Variants in NR5A2 observed in about 807,000 individuals in gnomAD.
NR5A2 encodes the protein CYP7A promoter-binding factor.
Under a neutral mutation model 62.7 loss-of-function variants are expected in NR5A2, and 26 were observed. The observed-to-expected ratio is 0.41, with a 90% CI of 0.30 to 0.58. The LOEUF (loss-of-function observed/expected upper bound fraction) is 0.58. Ranked by LOEUF, NR5A2 falls within the 20% of genes least tolerant of loss-of-function variation. The probability of loss-of-function intolerance (pLI) is 0.22; values close to 1 mark genes in which losing one functional copy is unlikely to be tolerated. For missense variants in NR5A2, 541 were observed against 669.1 expected (o/e 0.81, Z 2.11); for synonymous variants, 246 against 241.7 (o/e 1.02, Z -0.16).
chr1:200,129,818 T>C (rs777817306), intron 7 of NR5A2, among the ~76,000 whole-genome samples: 2 of 152,196 alleles, frequency 1.3e-5, no homozygotes, highest in Admixed American at 1.3e-4. Context: ...GGTTGTCTTC[T>C]TGAAAAAGAA....
At chr1:200,077,672 C>G (rs1326449087) in intron 5 of NR5A2, among the ~76,000 whole-genome samples, 1 of 152,212 alleles carries the variant, frequency 6.6e-6, no homozygotes, top group African/African-American at 2.4e-5. Flanking sequence ...CAAGATAGTG[C>G]TACTGCACTC....
chr1:200,137,287 A>G (rs895286462), intron 7 of NR5A2, among the ~76,000 whole-genome samples: 10 of 149,186 alleles, frequency 6.7e-5, no homozygotes, highest in Admixed American at 5.3e-4. Flanking sequence ...AATAGCTGAT[A>G]TTACAGGTGC....
intron 5 of NR5A2, among the ~76,000 whole-genome samples, chr1:200,083,449 T>C (rs1664381167): frequency 6.6e-6 from 1 of 152,212 alleles, no homozygotes; most frequent in South Asian, 2.1e-4. Context: ...TACATATATG[T>C]GTACATTTTA....
In NR5A2 at chr1:200,040,227, A is replaced by G. The variant is rs542290568; in HGVS notation, c.202+432A>G. On this transcript the variant is annotated intron_variant, in intron 2 of 7. Coordinates refer to ENST00000367362, the MANE Select transcript of NR5A2 (RefSeq NM_205860.3). ...GCGACCCAGTCTAGGAAAGTCAACTACAGAAAGAGGTGACCTCCGAAAGGA... is the reference window on the plus strand; with the variant it reads ...GCGACCCAGTCTAGGAAAGTCAACTGCAGAAAGAGGTGACCTCCGAAAGGA... 3.9e-5 allele frequency among the ~76,000 whole-genome samples: 6 copies of G among 152,300 alleles called. No homozygotes were observed. In the East Asian group the frequency reaches 1.2e-3, roughly 29 times the overall value.
At position 200,059,726 on chromosome 1, in the gene NR5A2, G is replaced by T. The variant is rs572002590; in HGVS notation, c.1110+10908G>T. Reference sequence around the variant, plus strand: ...GGACTTTGCCCTCTGAACCTATATGGTAAAATAGATCTTTTTTATTTTCCA... The same window carrying T: ...GGACTTTGCCCTCTGAACCTATATGTTAAAATAGATCTTTTTTATTTTCCA... On this transcript the variant is annotated intron_variant, in intron 5 of 7. Transcript: ENST00000367362. Among the ~76,000 whole-genome samples the T allele has an allele frequency of 2.6e-5, 4 of 152,224 alleles. No homozygotes were observed. In the South Asian group the frequency reaches 8.3e-4, roughly 32 times the overall value.
rs1191982982 is a variant in NR5A2, at chr1:200,175,010, T to C, written c.*800T>C. On this transcript the variant is annotated 3_prime_UTR_variant, in exon 8 of 8. Transcript: ENST00000367362. ...ACAAACTTTCAAAGCAAATGCTCCA[T>C]AGCTAAAGCAACTTAGACCTTATTT... 6.5e-6 allele frequency: 1 copy of C among 152,676 alleles called. No individual in the cohort carries two copies. The highest frequency in any genetic ancestry group is 1.5e-5 in the Non-Finnish European group (1 of 68,042). The allele number at this position is 152,676 out of a possible 1,614,324, so 9.5% of individuals were successfully genotyped here.
At chr1:200,071,002 G>T (rs1390244799) in intron 5 of NR5A2, among the ~76,000 whole-genome samples, 1 of 152,144 alleles carries the variant, frequency 6.6e-6, no homozygotes, top group African/African-American at 2.4e-5. Flanking sequence ...TTTGAAATGG[G>T]AGCAAAGCTA....
chr1:200,028,128 T>A lies in NR5A2; in HGVS notation c.64+217T>A, dbSNP rs146301267. Among the ~76,000 whole-genome samples the A allele has an allele frequency of 4.8e-4, 73 of 152,298 alleles. 1 individual carries two copies. In the East Asian group the frequency reaches 0.01, roughly 21 times the overall value. ...CAACATATGAATATTATTCATTATATCTAGTGTTTACTGGTGTCATTCTAA... is the reference window on the plus strand; with the variant it reads ...CAACATATGAATATTATTCATTATAACTAGTGTTTACTGGTGTCATTCTAA... On this transcript the variant is annotated intron_variant, in intron 1 of 7. Transcript: ENST00000367362.
At chr1:200,051,412 A>G (rs756564769) in intron 5 of NR5A2, among the ~76,000 whole-genome samples, 26 of 152,326 alleles carry the variant, frequency 1.7e-4, no homozygotes, top group Admixed American at 9.8e-4. Context: ...TTTATATAGC[A>G]TGAGGTTAAA....
At chr1:200,173,936 C>CT (rs3034024) in intron 7 of NR5A2, 27 bp from the exon 8 acceptor site, 22,391 of 1,231,946 alleles carry the variant, frequency 0.018, 869 homozygotes, top group African/African-American at 0.16. Flanking sequence ...TGAAATGTTG[C>CT]TTTTTTTTTT....
intron 5 of NR5A2, among the ~76,000 whole-genome samples, chr1:200,050,694 C>A (rs149200785): frequency 0.01 from 1,572 of 152,248 alleles, 23 homozygotes; most frequent in Admixed American, 0.017. Flanking sequence ...AGTACGAGAC[C>A]AGCCTGACCA....
intron 4 of NR5A2, among the ~76,000 whole-genome samples, chr1:200,046,403 G>A (rs1318751970): frequency 6.6e-6 from 1 of 152,066 alleles, no homozygotes; most frequent in East Asian, 1.9e-4. Flanking sequence ...GCTTTCCATG[G>A]ATTAAATATA....
intron 5 of NR5A2, among the ~76,000 whole-genome samples, chr1:200,052,542 G>C (rs1167740846): frequency 6.6e-6 from 1 of 152,026 alleles, no homozygotes; most frequent in African/African-American, 2.4e-5. Context: ...TACCTATCAA[G>C]TGATATACTT....
At chr1:200,113,354 G>C (rs1646645427) in intron 6 of NR5A2, among the ~76,000 whole-genome samples, 1 of 152,118 alleles carries the variant, frequency 6.6e-6, no homozygotes, top group African/African-American at 2.4e-5. Flanking sequence ...GGCTACCCTA[G>C]TAATGATTAA....
At chr1:200,091,841 T>C (rs1289325059) in intron 5 of NR5A2, among the ~76,000 whole-genome samples, 7 of 152,192 alleles carry the variant, frequency 4.6e-5, no homozygotes, top group Non-Finnish European at 1.0e-4. Flanking sequence ...CATTTTGGTG[T>C]GTGAGTGTGT....
intron 7 of NR5A2, among the ~76,000 whole-genome samples, chr1:200,173,636 C>T (rs1022278783): frequency 1.3e-5 from 2 of 152,178 alleles, no homozygotes; most frequent in Non-Finnish European, 2.9e-5. Context: ...GACTCATTTG[C>T]TGGCAATATA....
chr1:200,106,279 G>A (rs1027055490), intron 5 of NR5A2, among the ~76,000 whole-genome samples: 5 of 151,950 alleles, frequency 3.3e-5, no homozygotes, highest in African/African-American at 7.3e-5. Context: ...GGCTGGTCTC[G>A]AACTCCTGAC....
intron 7 of NR5A2, among the ~76,000 whole-genome samples, chr1:200,145,419 T>A (rs1667650600): frequency 6.6e-6 from 1 of 151,690 alleles, no homozygotes; most frequent in Non-Finnish European, 1.5e-5. Flanking sequence ...AATTCCTGTG[T>A]GAAATATACC....
intron 7 of NR5A2, among the ~76,000 whole-genome samples, chr1:200,162,706 C>T (rs564515448): frequency 5.9e-5 from 9 of 152,052 alleles, no homozygotes; most frequent in East Asian, 3.9e-4. Context: ...GGCAGCAACT[C>T]GGTGATGGCT....
Sources: allele counts gnomAD v4.1 joint callset (sites outside exome capture counted in the v4.1 genomes callset), GRCh38; gene constraint gnomAD v4.1.1; transcripts MANE v1.5; gene names NCBI Gene and HGNC (gene_info 2026-07-23, HGNC 2026-07-21).